Variants in SEL1L3 observed in about 807,000 individuals in gnomAD.
SEL1L3 encodes protein sel-1 homolog 3.
SEL1L3 carries 76 observed loss-of-function variants against 142.8 expected under a neutral mutation model. The observed-to-expected ratio is 0.53, with a 90% CI of 0.44 to 0.64. The LOEUF (loss-of-function observed/expected upper bound fraction) is 0.64. Among genes scored for constraint, SEL1L3 ranks in the 30% least tolerant of loss-of-function variants. The pLI, the probability that SEL1L3 is intolerant of heterozygous loss-of-function variation, is 0.00. For synonymous variants in SEL1L3, 504 were observed against 519.6 expected (o/e 0.97, Z 0.41); for missense variants, 1,262 against 1,381.7 (o/e 0.91, Z 1.37).
chr4:25,790,650 G>GGAAA (rs1278864011), intron 11 of SEL1L3, 76 bp from the exon 12 acceptor site: 9 of 49,502 alleles, frequency 1.8e-4, no homozygotes, highest in Non-Finnish European at 3.2e-4. Context: ...AAGGAAGGAA[G>GGAAA]GAAGGAAGGA....
intron 23 of SEL1L3, among the ~76,000 whole-genome samples, chr4:25,752,854 T>C (rs1469357152): frequency 6.6e-6 from 1 of 152,224 alleles, no homozygotes; most frequent in African/African-American, 2.4e-5. Context: ...CTCCTGATCT[T>C]AGGTGATCTG....
chr4:25,729,556 A>T, the SEL1L3 span, among the ~76,000 whole-genome samples: 1 of 152,176 alleles, frequency 6.6e-6, no homozygotes, highest in African/African-American at 2.4e-5. Flanking sequence ...TCTACTAAAA[A>T]TACAAAAATT....
chr4:25,738,668 A>G, the SEL1L3 span, among the ~76,000 whole-genome samples: 4 of 152,244 alleles, frequency 2.6e-5, no homozygotes, highest in South Asian at 8.3e-4. Flanking sequence ...TATTTCTTGT[A>G]TTTGGACCTC....
chr4:25,817,577 A>C (rs1389924578), intron 9 of SEL1L3, among the ~76,000 whole-genome samples: 1 of 152,198 alleles, frequency 6.6e-6, no homozygotes, highest in African/African-American at 2.4e-5. Flanking sequence ...TCCCACGTTC[A>C]AGTGTCTGTG....
chr4:25,724,662 G>A, the SEL1L3 span, among the ~76,000 whole-genome samples: 102 of 139,372 alleles, frequency 7.3e-4, no homozygotes, highest in East Asian at 0.019. Flanking sequence ...GCGTGAACCC[G>A]GGAGGCGGAG....
intron 2 of SEL1L3, among the ~76,000 whole-genome samples, chr4:25,837,452 G>T (rs1231652914): frequency 6.6e-6 from 1 of 151,020 alleles, no homozygotes; most frequent in Non-Finnish European, 1.5e-5. Context: ...GAATGACAAT[G>T]AGCTCTTCCC....
At chr4:25,809,553 G>C (rs1268454600) in intron 9 of SEL1L3, among the ~76,000 whole-genome samples, 1 of 152,102 alleles carries the variant, frequency 6.6e-6, no homozygotes, top group Non-Finnish European at 1.5e-5. Flanking sequence ...CAAAAGGCTG[G>C]AATTACAGGT....
At chr4:25,840,861 G>A (rs552533610) in intron 2 of SEL1L3, among the ~76,000 whole-genome samples, 19 of 152,210 alleles carry the variant, frequency 1.2e-4, no homozygotes, top group African/African-American at 4.6e-4. Flanking sequence ...CCACCCCCAA[G>A]CAACACAAGC....
At chr4:25,810,962 T>A (rs1442367055) in intron 9 of SEL1L3, among the ~76,000 whole-genome samples, 1 of 152,056 alleles carries the variant, frequency 6.6e-6, no homozygotes, top group Non-Finnish European at 1.5e-5. Flanking sequence ...AAAACACCAG[T>A]GGGAACAGCT....
At chr4:25,729,168 C>T in the SEL1L3 span, among the ~76,000 whole-genome samples, 2 of 152,192 alleles carry the variant, frequency 1.3e-5, no homozygotes, top group East Asian at 3.9e-4. Context: ...GACATGACAG[C>T]TGACTGGTTT....
At chr4:25,826,230 C>G (rs1282182026) in intron 6 of SEL1L3, among the ~76,000 whole-genome samples, 5 of 152,164 alleles carry the variant, frequency 3.3e-5, no homozygotes, top group African/African-American at 4.8e-5. Flanking sequence ...GAATTTAACG[C>G]TATAGAGGCC....
chr4:25,830,191 C>A, intron 5 of SEL1L3, 35 bp from the exon 6 acceptor site: 1 of 1,330,078 alleles, frequency 7.5e-7, no homozygotes, highest in South Asian at 1.2e-5. Context: ...ATCAGTTATG[C>A]CTCATCACCC....
In SEL1L3 at chr4:25,826,639, T is replaced by G. The variant is rs546785717; in HGVS notation, c.1157+3459A>C. Among the ~76,000 whole-genome samples, 5 of 152,246 alleles carry G rather than the reference T, an allele frequency of 3.3e-5. No individual in the cohort carries two copies. In the East Asian group the frequency reaches 9.7e-4, roughly 29 times the overall value. Reference sequence around the variant, plus strand: ...CTGGGGTGGTGGGGAGGGGCACTCCTGCGTCTGAGTACGGCTAGCTTTTTT... The same window carrying G: ...CTGGGGTGGTGGGGAGGGGCACTCCGGCGTCTGAGTACGGCTAGCTTTTTT... On this transcript the variant is annotated intron_variant, in intron 6 of 23. Transcript: ENST00000399878.
chr4:25,835,130 AG>A, intron 3 of SEL1L3, 66 bp downstream of exon 3: 1 of 1,589,266 alleles, frequency 6.3e-7, no homozygotes, highest in Non-Finnish European at 8.6e-7. Flanking sequence ...TTCTTCCACT[AG>A]CCTGCTCTGG....
intron 17 of SEL1L3, among the ~76,000 whole-genome samples, chr4:25,772,678 GAA>G (rs1560288365): frequency 6.6e-6 from 1 of 152,120 alleles, no homozygotes; most frequent in Non-Finnish European, 1.5e-5. Flanking sequence ...AAAAAGAAAA[GAA>G]AGAGAATCCA....
At chr4:25,797,004 G>A (rs958744702) in intron 11 of SEL1L3, among the ~76,000 whole-genome samples, 1 of 150,998 alleles carries the variant, frequency 6.6e-6, no homozygotes, top group African/African-American at 2.4e-5. Context: ...AGGAAGAGAG[G>A]AAAAGGAGAG....
Position 25,747,790 on chromosome 4 carries a change from C to G in SEL1L3, c.*635G>C, listed in dbSNP as rs1327597819. The stretch of plus-strand genomic sequence containing the variant: ...ATTGCAATTGAAATGTAAAAGATAT[C>G]CGACAATGCCATTAAATGATTCGGA... On this transcript the variant is annotated 3_prime_UTR_variant, in exon 24 of 24. Coordinates refer to ENST00000399878, the MANE Select transcript of SEL1L3 (RefSeq NM_015187.5). 6.6e-6 allele frequency: 1 copy of G among 152,570 alleles called. No homozygotes were observed. The highest frequency in any genetic ancestry group is 2.4e-5 in the African/African-American group (1 of 41,424). 9.5% of individuals were successfully genotyped at this position (152,570 alleles called of 1,614,324 possible). A position where few individuals can be genotyped will look rare whatever the true frequency, so the allele number is the denominator to read the frequency against.
At chr4:25,861,720 T>C (rs1049988872) in intron 1 of SEL1L3, 8 of 151,604 alleles carry the variant, frequency 5.3e-5, no homozygotes, top group African/African-American at 1.5e-4. Context: ...TACAGTAATA[T>C]ATGGCGAGAT....
intron 6 of SEL1L3, among the ~76,000 whole-genome samples, chr4:25,825,736 G>A (rs559725507): frequency 4.3e-5 from 6 of 139,396 alleles, no homozygotes; most frequent in South Asian, 2.3e-4. Context: ...GTGCAGTGGC[G>A]CAATCTCAGC....
Sources: gnomAD v4.1 joint callset for allele counts (sites outside exome capture counted in the v4.1 genomes callset) on GRCh38, gnomAD v4.1.1 for gene constraint, MANE v1.5 for transcripts, NCBI Gene and HGNC (gene_info 2026-07-23, HGNC 2026-07-21) for gene names.